The following MIA2 variants were observed in gnomAD, a reference collection of about 807,000 sequenced individuals.
The protein encoded by MIA2 is melanoma inhibitory activity protein 2.
MIA2 carries 127 observed loss-of-function variants against 167.8 expected under a neutral mutation model. The ratio of observed to expected loss-of-function variants is 0.76; its 90% CI spans 0.66 to 0.88. The LOEUF is 0.88. Ranked by LOEUF, MIA2 falls within the 40% of genes least tolerant of loss-of-function variation. The pLI, the probability that MIA2 is intolerant of heterozygous loss-of-function variation, is 0.00. For missense variants in MIA2, 1,690 were observed against 1,624.7 expected, an observed-to-expected ratio of 1.04 and a Z score of -0.69; for synonymous variants, 552 against 541.9, an observed-to-expected ratio of 1.02 and a Z score of -0.26.
chr14:39,336,523 T>C (rs994240878), intron 25 of MIA2, among the ~76,000 whole-genome samples: 11 of 152,218 alleles, frequency 7.2e-5, no homozygotes, highest in African/African-American at 2.4e-4. Context: ...GGCTACCTTA[T>C]TAGGAAAGAG....
intron 13 of MIA2, among the ~76,000 whole-genome samples, chr14:39,295,946 T>C (rs2061367834): frequency 6.6e-6 from 1 of 152,224 alleles, no homozygotes; most frequent in African/African-American, 2.4e-5. Context: ...ATCCGGTTCA[T>C]CTGTATGCTG....
At chr14:39,248,250 C>A in intron 4 of MIA2, 109 bp downstream of exon 4, 1 of 828,240 alleles carries the variant, frequency 1.2e-6, no homozygotes, top group Non-Finnish European at 1.6e-6. Context: ...TTTCAGAATA[C>A]TTAGCTCTTT....
intron 23 of MIA2, among the ~76,000 whole-genome samples, chr14:39,360,618 T>C (rs1372412897): frequency 6.6e-6 from 1 of 152,208 alleles, no homozygotes; most frequent in Admixed American, 6.5e-5. Context: ...AATTGTTGAT[T>C]GTTTCCTTCT....
intron 21 of MIA2, among the ~76,000 whole-genome samples, chr14:39,316,270 A>C (rs1436257543): frequency 6.6e-6 from 1 of 152,232 alleles, no homozygotes; most frequent in African/African-American, 2.4e-5. Flanking sequence ...ACTAATTATA[A>C]GAAAGACACT....
intron 9 of MIA2, among the ~76,000 whole-genome samples, chr14:39,285,612 G>C (rs1566730147): frequency 6.7e-6 from 1 of 150,030 alleles, no homozygotes; most frequent in Non-Finnish European, 1.5e-5. Context: ...GGCCGGGCGG[G>C]GGCTGCCCCC....
At chr14:39,285,863 G>A (rs1248546977) in intron 9 of MIA2, among the ~76,000 whole-genome samples, 27 of 149,948 alleles carry the variant, frequency 1.8e-4, no homozygotes, top group African/African-American at 4.4e-4. Flanking sequence ...CCGGGCAGAG[G>A]TGCTCCCCAC....
intron 6 of MIA2, among the ~76,000 whole-genome samples, chr14:39,267,923 C>T (rs1187714513): frequency 6.6e-6 from 1 of 151,388 alleles, no homozygotes; most frequent in Non-Finnish European, 1.5e-5. Context: ...TGTAACTTCT[C>T]GTTGAACCTT....
At chr14:39,290,226 A>G (rs1232230095) in intron 9 of MIA2, among the ~76,000 whole-genome samples, 2 of 152,150 alleles carry the variant, frequency 1.3e-5, no homozygotes, top group African/African-American at 4.8e-5. Flanking sequence ...TTCTAGGGGG[A>G]ATAGAAATGT....
intron 18 of MIA2, among the ~76,000 whole-genome samples, chr14:39,310,588 T>A (rs1040875620): frequency 3.3e-5 from 5 of 152,178 alleles, no homozygotes; most frequent in African/African-American, 1.2e-4. Context: ...TAACCCTGTA[T>A]TACCCTTAGG....
intron 23 of MIA2, chr14:39,386,180 T>C: frequency 7.2e-7 from 1 of 1,390,854 alleles, no homozygotes; most frequent in Non-Finnish European, 1.0e-6. Context: ...GGTCTTGCCC[T>C]TGCTGGGGGT....
chr14:39,282,193 G>A (rs1031368503), intron 9 of MIA2, among the ~76,000 whole-genome samples: 2 of 152,146 alleles, frequency 1.3e-5, no homozygotes, highest in Admixed American at 6.5e-5. Context: ...AGGATTTACT[G>A]TTGCTTTTCA....
downstream of MIA2, among the ~76,000 whole-genome samples, chr14:39,354,728 A>G (rs944616124): frequency 1.3e-5 from 2 of 152,070 alleles, no homozygotes; most frequent in African/African-American, 4.8e-5. Flanking sequence ...ATCTTGAATT[A>G]ATTTTTGTAT....
chr14:39,386,978 A>G (rs1348259298), exon 24 of MIA2: 18 of 772,726 alleles, frequency 2.3e-5, no homozygotes, highest in Non-Finnish European at 4.0e-5. Flanking sequence ...GGATGAGACT[A>G]ACGAGATCTG....
intron 6 of MIA2, among the ~76,000 whole-genome samples, chr14:39,255,336 C>T (rs1161150295): frequency 2.6e-5 from 4 of 152,136 alleles, no homozygotes; most frequent in Admixed American, 1.3e-4. Context: ...GGTGAAACCT[C>T]GTCTCTACAA....
At position 39,347,756 on chromosome 14, in the gene MIA2, C is replaced by G. The variant is rs1056652397; in HGVS notation, c.3822C>G (p.Thr1274=). The change falls in exon 27 of 29, where the codon ACC becomes ACG. Residue 1274 remains threonine, a synonymous_variant. Coordinates refer to ENST00000640607, the MANE Select transcript of MIA2 (RefSeq NM_001329214.4). ...AAATGGAATCCAGTAGAAATGATAC[C>G]AAAGATGATCTTGGTGTAAGTATTG... ...PSEMESSRND[T]KDDLGNLNVP... 1 of 1,607,508 alleles carries G rather than the reference C, an allele frequency of 6.2e-7. No individual in the cohort carries two copies. Among genetic ancestry groups the G allele is most frequent in the Non-Finnish European group, 8.5e-7 (1 of 1,177,102 alleles).
rs368279005 is a variant in MIA2 at position 39,240,664 on chromosome 14, T to C, written c.336+17T>C. The C allele has an allele frequency of 3.9e-5, 61 of 1,574,342 alleles. No homozygotes were observed. Among genetic ancestry groups the C allele is most frequent in the Non-Finnish European group, 5.1e-5 (59 of 1,145,776 alleles). ...TCAACGAAAGTGAGTAAACTCATTC[T>C]CAGTTGTTAATTGAATTTAAAATTT... On this transcript the variant is annotated intron_variant, in intron 3 of 28. Coordinates refer to ENST00000640607, the MANE Select transcript of MIA2 (RefSeq NM_001329214.4).
chr14:39,235,418 AT>A (rs2053690316), intron 1 of MIA2, among the ~76,000 whole-genome samples: 1 of 152,194 alleles, frequency 6.6e-6, no homozygotes, highest in Admixed American at 6.5e-5. Context: ...ATGAGTAAAC[AT>A]TCTTCCTTAA....
rs560966283 is a variant in MIA2, at chr14:39,278,224, A to G, written c.2020-1113A>G. Among the ~76,000 whole-genome samples, 43 of 152,250 alleles carry G rather than the reference A, an allele frequency of 2.8e-4. 1 individual carries two copies. Among genetic ancestry groups the G allele is most frequent in the East Asian group, 1.2e-3 (6 of 5,174 alleles). On this transcript the variant is annotated intron_variant, in intron 7 of 28. Coordinates refer to ENST00000640607, the MANE Select transcript of MIA2 (RefSeq NM_001329214.4). ...AGTGATCTGCCTGCCTTGGTCTCCC[A>G]AAGTTCTGGGATTATAGGCATTAAT...
At chr14:39,381,469 CAT>C (rs2075159932) in intron 23 of MIA2, among the ~76,000 whole-genome samples, 1 of 152,074 alleles carries the variant, frequency 6.6e-6, no homozygotes, top group African/African-American at 2.4e-5. Flanking sequence ...TAAAAAGTAA[CAT>C]AAATATGAAA....
Sources: gnomAD v4.1 joint callset for allele counts (sites outside exome capture counted in the v4.1 genomes callset) on GRCh38, gnomAD v4.1.1 for gene constraint, MANE v1.5 for transcripts, NCBI Gene and HGNC (gene_info 2026-07-23, HGNC 2026-07-21) for gene names.